Variants in SHPRH observed in about 807,000 individuals in gnomAD.
The protein encoded by SHPRH is SNF2 histone linker PHD RING helicase.
In SHPRH, 106 loss-of-function variants were observed where a neutral mutation model predicts 202.5. The ratio of observed to expected loss-of-function variants is 0.52; its 90% CI spans 0.45 to 0.62. The LOEUF (loss-of-function observed/expected upper bound fraction) is 0.62, where lower values mean the gene tolerates loss of function less well. SHPRH is among the 20% of genes least tolerant of loss of function. The pLI is 0.00. For synonymous variants in SHPRH, 729 were observed against 686.0 expected (o/e 1.06, Z -0.98); for missense variants, 1,710 against 2,020.0 (o/e 0.85, Z 2.94).
intron 25 of SHPRH, 25 bp from the exon 26 acceptor site, chr6:145,895,002 C>A: frequency 6.3e-7 from 1 of 1,595,052 alleles, no homozygotes. Flanking sequence ...ACAAAATACA[C>A]ATTACTACTA....
At chr6:145,875,065 G>C (rs538325858) in intron 2 of SHPRH, among the ~76,000 whole-genome samples, 4 of 152,144 alleles carry the variant, frequency 2.6e-5, no homozygotes, top group African/African-American at 9.6e-5. Flanking sequence ...AATGCATTTT[G>C]GATTTCAGAT....
Position 145,950,320 on chromosome 6 carries a change from C to G in SHPRH, c.926G>C (p.Arg309Thr), listed in dbSNP as rs896360283. Residue 309 changes from arginine (R) to threonine (T), a missense_variant, in exon 4 of 30, where the codon AGA becomes ACA. Arg to Thr is a moderately conservative substitution (Grantham distance 71). Coordinates refer to ENST00000275233, the MANE Select transcript of SHPRH (RefSeq NM_001042683.3). ...ALIPVLRPYQ[R>T]EAVNWMLQQE... Reference sequence around the variant, plus strand: ...TTGTAGCATCCAATTGACAGCCTCTCTTTGGTAGGGTCTCAACACAGGGAT... The same window carrying G: ...TTGTAGCATCCAATTGACAGCCTCTGTTTGGTAGGGTCTCAACACAGGGAT... 5.0e-6 allele frequency: 8 copies of G among 1,613,060 alleles called. No homozygotes were observed. In the African/African-American group the frequency reaches 8.0e-5, roughly 16 times the overall value.
intron 2 of SHPRH, among the ~76,000 whole-genome samples, chr6:145,874,588 A>C (rs941327245): frequency 2.6e-5 from 4 of 151,892 alleles, no homozygotes; most frequent in Non-Finnish European, 5.9e-5. Context: ...AATCAAGATA[A>C]TTAACACATC....
In SHPRH at chr6:145,884,885, GGTT is replaced by G. The variant is rs1356445052; in HGVS notation, c.*1803_*1805del. 1 of 151,934 alleles carries G rather than the reference GGTT, an allele frequency of 6.6e-6. No homozygotes were observed. Among genetic ancestry groups the G allele is most frequent in the Admixed American group, 6.6e-5 (1 of 15,244 alleles). The allele number at this position is 151,934 out of a possible 1,614,324, so 9.4% of individuals were successfully genotyped here. A position where few individuals can be genotyped will look rare whatever the true frequency, so the allele number is the denominator to read the frequency against. ...AAACAGTTTTTGTCTAATACAGATAGGTTTTTTTATATATATGTAATTTGATTT... is the reference window on the plus strand; with the variant it reads ...AAACAGTTTTTGTCTAATACAGATAGTTTTTATATATATGTAATTTGATTT... On this transcript the variant is annotated 3_prime_UTR_variant, in exon 30 of 30. Transcript: ENST00000275233.
intron 6 of SHPRH, among the ~76,000 whole-genome samples, chr6:145,947,212 C>A (rs1787481756): frequency 6.6e-6 from 1 of 151,950 alleles, no homozygotes; most frequent in Non-Finnish European, 1.5e-5. Flanking sequence ...GAGGAGTCAA[C>A]AGTACTTTTG....
At chr6:145,871,315 C>T (rs1780045125) in intron 2 of SHPRH, 1 of 152,144 alleles carries the variant, frequency 6.6e-6, no homozygotes, top group Admixed American at 6.6e-5. Context: ...CCCATTGTCT[C>T]AACCCAAAAG....
intron 25 of SHPRH, among the ~76,000 whole-genome samples, chr6:145,895,351 T>C (rs1054310021): frequency 6.6e-6 from 1 of 152,088 alleles, no homozygotes; most frequent in African/African-American, 2.4e-5. Flanking sequence ...TTTCTTCAGA[T>C]ATTATGTCAT....
chr6:145,921,115 A>G (rs1357520398), intron 21 of SHPRH, 52 bp downstream of exon 21: 1 of 1,480,670 alleles, frequency 6.8e-7, no homozygotes, highest in Non-Finnish European at 9.2e-7. Flanking sequence ...GTTAAAATTG[A>G]TGTAAAAAAG....
At chr6:145,897,995 T>C (rs1164454890) in intron 25 of SHPRH, among the ~76,000 whole-genome samples, 1 of 152,116 alleles carries the variant, frequency 6.6e-6, no homozygotes, top group Non-Finnish European at 1.5e-5. Flanking sequence ...TTCAACATAG[T>C]ATTGGAAGTC....
chr6:145,921,324 G>T lies in SHPRH; in HGVS notation c.3851C>A (p.Ala1284Glu), dbSNP rs770544891. The change falls in exon 21 of 30, where the codon GCA (alanine) becomes GAA (glutamate). Residue 1284 changes from alanine to glutamate, a missense_variant. Ala to Glu is a moderately radical substitution (Grantham distance 107). Around this residue, in one of 8 missense-constraint regions of SHPRH, gnomAD observed 288 missense variants for 317.8 expected, o/e 0.91. Coordinates refer to ENST00000275233, the MANE Select transcript of SHPRH (RefSeq NM_001042683.3). Reference protein sequence around the residue: ...EDEEGLVDDRAPTTTRGLWAI... With the variant: ...EDEEGLVDDREPTTTRGLWAI... ...CCAGAGACCCCGGGTGGTGGTAGGTGCTCGATCATCCACCAGTCCTTCTTC... is the reference window on the plus strand; with the variant it reads ...CCAGAGACCCCGGGTGGTGGTAGGTTCTCGATCATCCACCAGTCCTTCTTC... 1 of 1,612,744 alleles carries T rather than the reference G, an allele frequency of 6.2e-7. No individual in the cohort carries two copies. The highest frequency in any genetic ancestry group is 1.3e-5 in the African/African-American group (1 of 74,824).
At chr6:145,899,525 T>C (rs1228187553) in intron 25 of SHPRH, among the ~76,000 whole-genome samples, 1 of 152,144 alleles carries the variant, frequency 6.6e-6, no homozygotes. Context: ...TCTCACCGCA[T>C]ATACAAAAAT....
At chr6:145,917,349 G>GA (rs1784044454) in intron 23 of SHPRH, 1 of 152,076 alleles carries the variant, frequency 6.6e-6, no homozygotes, top group South Asian at 2.1e-4. Flanking sequence ...CACATATCTA[G>GA]AAAACAGTTG....
Position 145,955,295 on chromosome 6 carries a change from G to A in SHPRH, c.28C>T (p.Pro10Ser). Reference sequence around the variant, plus strand: ...CTCTTTTCCTCATCTACCCTCACTGGAGGAGCACGTTTCCGTCGGCTGCTC... The same window carrying A: ...CTCTTTTCCTCATCTACCCTCACTGAAGGAGCACGTTTCCGTCGGCTGCTC... MSSRRKRAP[P>S]VRVDEEKRQQ... Residue 10 changes from proline to serine, a missense_variant, in exon 2 of 30, where the codon CCA becomes TCA. Pro to Ser is a moderately conservative substitution (Grantham distance 74, BLOSUM62 -1). Around this residue, in one of 8 missense-constraint regions of SHPRH, gnomAD observed 459 missense variants for 426.5 expected, o/e 1.08. Transcript: ENST00000275233. The A allele has an allele frequency of 1.2e-6, 2 of 1,602,390 alleles. No individual in the cohort carries two copies. Among genetic ancestry groups the A allele is most frequent in the Non-Finnish European group, 1.7e-6 (2 of 1,174,828 alleles).
intron 28 of SHPRH, among the ~76,000 whole-genome samples, chr6:145,888,390 T>C (rs1204057562): frequency 6.6e-6 from 1 of 151,830 alleles, no homozygotes; most frequent in African/African-American, 2.4e-5. Flanking sequence ...ATGAGGCCAG[T>C]AGGCAAAGGA....
intron 2 of SHPRH, among the ~76,000 whole-genome samples, chr6:145,866,204 G>A (rs1237462509): frequency 6.6e-6 from 1 of 152,196 alleles, no homozygotes; most frequent in Non-Finnish European, 1.5e-5. Flanking sequence ...TGTGCTTCTT[G>A]ACTTCTTTTT....
Position 145,886,248 on chromosome 6 carries a change from C to A in SHPRH, c.*443G>T. 2.1e-6 allele frequency: 1 copy of A among 466,966 alleles called. No individual in the cohort carries two copies. The highest frequency in any genetic ancestry group is 3.6e-5 in the South Asian group (1 of 27,594). 28.9% of individuals were successfully genotyped at this position (466,966 alleles called of 1,614,324 possible). On this transcript the variant is annotated 3_prime_UTR_variant, in exon 30 of 30. Transcript: ENST00000275233. Reference sequence around the variant, plus strand: ...CACCATCTACTTAAAATATTACTAACAAGATATTGGTGAATCATGTGCTAA... The same window carrying A: ...CACCATCTACTTAAAATATTACTAAAAAGATATTGGTGAATCATGTGCTAA...
Position 145,886,369 on chromosome 6 carries a change from TTA to T in SHPRH, c.*320_*321del, listed in dbSNP as rs1491572910. The T allele has an allele frequency of 2.7e-5, 19 of 696,292 alleles. No homozygotes were observed. The East Asian group carries it at 4.8e-4, about 18-fold the overall frequency. The allele number at this position is 696,292 out of a possible 1,614,324, so 43.1% of individuals were successfully genotyped here. On this transcript the variant is annotated 3_prime_UTR_variant, in exon 30 of 30. Transcript: ENST00000275233. ...AGTTTACTTTCTTATTCCAACTGTT[TTA>T]TGAGTGATCTTATCATAAGAAAAGT... is the stretch of plus-strand genomic sequence containing the variant.
intron 21 of SHPRH, 124 bp from the exon 22 acceptor site, chr6:145,919,615 C>T (rs1404592390): frequency 1.1e-5 from 12 of 1,102,468 alleles, no homozygotes; most frequent in East Asian, 2.7e-5. Flanking sequence ...ATGTGTCTAA[C>T]GTACAAGTAG....
intron 11 of SHPRH, among the ~76,000 whole-genome samples, chr6:145,940,378 C>G (rs1476357513): frequency 1.3e-5 from 2 of 148,418 alleles, no homozygotes; most frequent in African/African-American, 2.5e-5. Context: ...CCACCCCCCC[C>G]ACCCTTTGTT....
Sources: allele counts gnomAD v4.1 joint callset (sites outside exome capture counted in the v4.1 genomes callset), GRCh38; gene constraint gnomAD v4.1.1; regional missense constraint gnomAD v4.1.1; transcripts MANE v1.5; gene names NCBI Gene and HGNC (gene_info 2026-07-23, HGNC 2026-07-21).